LSM12: variants seen among roughly 807,000 people sequenced by gnomAD.
The protein encoded by LSM12 is LSM12 homolog.
For missense variants in LSM12, 108 were observed against 238.9 expected (o/e 0.45, Z 3.61); for synonymous variants, 74 against 87.3 (o/e 0.85, Z 0.85).
chr17:44,047,026 G>C (rs559120242), intron 2 of LSM12, among the ~76,000 whole-genome samples: 1 of 151,682 alleles, frequency 6.6e-6, no homozygotes, highest in East Asian at 2.0e-4. Flanking sequence ...CACAGCGCCC[G>C]GCCCTAATGT....
chr17:44,064,907 G>A (rs1044221414), intron 1 of LSM12, among the ~76,000 whole-genome samples: 1 of 152,066 alleles, frequency 6.6e-6, no homozygotes, highest in Non-Finnish European at 1.5e-5. Flanking sequence ...GCCGAGGCGG[G>A]TGGATCACGA....
chr17:44,040,396 A>G (rs1237487726), intron 2 of LSM12, 140 bp from the exon 3 acceptor site: 2 of 626,756 alleles, frequency 3.2e-6, no homozygotes, highest in Non-Finnish European at 5.6e-6. Flanking sequence ...AAAGTGAAAC[A>G]AATTTTAAAA....
At chr17:44,063,727 A>G (rs1417129690) in intron 2 of LSM12, 74 bp downstream of exon 2, 2 of 1,428,588 alleles carry the variant, frequency 1.4e-6, no homozygotes, top group Admixed American at 2.4e-5. Context: ...ATAGACAACA[A>G]TGTATCACTA....
At chr17:44,047,074 G>A (rs925356558) in intron 2 of LSM12, among the ~76,000 whole-genome samples, 2 of 152,024 alleles carry the variant, frequency 1.3e-5, no homozygotes, top group Non-Finnish European at 2.9e-5. Flanking sequence ...CACCAACACT[G>A]GGTACTGTTA....
chr17:44,048,625 A>C (rs1208830168), intron 2 of LSM12, among the ~76,000 whole-genome samples: 2 of 152,178 alleles, frequency 1.3e-5, no homozygotes, highest in Non-Finnish European at 2.9e-5. Flanking sequence ...AAGAATAAAA[A>C]GCACCAAGTT....
At position 44,044,066 on chromosome 17, in the gene LSM12, G is replaced by A. The variant is rs1227321617; in HGVS notation, c.259-3810C>T. On this transcript the variant is annotated intron_variant, in intron 2 of 4. Transcript: ENST00000293406. ...CTGAACGTTCAAAGAGTAAAATGTC[G>A]TTGTCACCTACATAGCAGCTTAAAA... is the stretch of plus-strand genomic sequence containing the variant. Among the ~76,000 whole-genome samples the A allele has an allele frequency of 4.6e-5, 7 of 152,204 alleles. 1 individual carries two copies. The South Asian group carries it at 8.3e-4, about 18-fold the overall frequency.
At chr17:44,039,424 G>C (rs1182118055) in intron 3 of LSM12, among the ~76,000 whole-genome samples, 4 of 131,402 alleles carry the variant, frequency 3.0e-5, no homozygotes, top group Non-Finnish European at 4.7e-5. Flanking sequence ...GCCCAGGCCG[G>C]ACTGCGGACT....
rs2049396108 is a variant in LSM12 at position 44,034,596 on chromosome 17, C to T, written c.*1612G>A. On this transcript the variant is annotated 3_prime_UTR_variant, in exon 5 of 5. Coordinates refer to ENST00000293406, the MANE Select transcript of LSM12 (RefSeq NM_001371445.1). ...GACAGACATACCTTGGATCCTCTCCCCTGGGGCCTCTGAAGGACGCACAAA... is the reference window on the plus strand; with the variant it reads ...GACAGACATACCTTGGATCCTCTCCTCTGGGGCCTCTGAAGGACGCACAAA... The T allele has an allele frequency of 6.6e-6, 1 of 152,456 alleles. No homozygotes were observed. The highest frequency in any genetic ancestry group is 6.6e-5 in the Admixed American group (1 of 15,262). The allele number at this position is 152,456 out of a possible 1,614,324, so 9.4% of individuals were successfully genotyped here.
intron 2 of LSM12, among the ~76,000 whole-genome samples, chr17:44,050,094 A>G (rs2049622903): frequency 6.6e-6 from 1 of 151,994 alleles, no homozygotes; most frequent in African/African-American, 2.4e-5. Context: ...GAAAGCCTTC[A>G]TTCTTTTTAT....
chr17:44,045,936 CTT>C (rs67446547), intron 2 of LSM12, among the ~76,000 whole-genome samples: 6 of 122,542 alleles, frequency 4.9e-5, no homozygotes, highest in South Asian at 5.0e-4. Flanking sequence ...AAATATTTTA[CTT>C]TTTTTTTTTT....
At chr17:44,039,530 C>T (rs1268461574) in intron 3 of LSM12, among the ~76,000 whole-genome samples, 3 of 150,652 alleles carry the variant, frequency 2.0e-5, no homozygotes, top group African/African-American at 4.9e-5. Flanking sequence ...TACAGGCGCC[C>T]GCCACCGCGC....
chr17:44,043,542 A>T (rs2049522450), intron 2 of LSM12, among the ~76,000 whole-genome samples: 1 of 141,138 alleles, frequency 7.1e-6, no homozygotes, highest in South Asian at 2.2e-4. Context: ...AACAAGGAGG[A>T]GTTTCCTTTT....
chr17:44,064,265 C>G (rs2049839255), intron 1 of LSM12, among the ~76,000 whole-genome samples: 1 of 152,154 alleles, frequency 6.6e-6, no homozygotes, highest in South Asian at 2.1e-4. Context: ...CTCTCTGTGT[C>G]TGCACAGTAT....
At chr17:44,050,955 A>T (rs1328282260) in intron 2 of LSM12, among the ~76,000 whole-genome samples, 2 of 152,178 alleles carry the variant, frequency 1.3e-5, no homozygotes, top group Non-Finnish European at 2.9e-5. Flanking sequence ...CAACATGGCA[A>T]AACCCTACAA....
At position 44,057,391 on chromosome 17, in the gene LSM12, G is replaced by A. The variant is rs1414496573; in HGVS notation, c.258+6410C>T. ...TCTTGATCTCCTGACCTCGTGATCC[G>A]CCCGCCTCGGCCTCTCAAAGTGCTA... is the stretch of plus-strand genomic sequence containing the variant. On this transcript the variant is annotated intron_variant, in intron 2 of 4. Coordinates refer to ENST00000293406, the MANE Select transcript of LSM12 (RefSeq NM_001371445.1). Among the ~76,000 whole-genome samples, 15 of 149,340 alleles carry A rather than the reference G, an allele frequency of 1.0e-4. No individual in the cohort carries two copies. The South Asian group carries it at 1.1e-3, about 11-fold the overall frequency.
At chr17:44,058,451 G>A (rs1051898138) in intron 2 of LSM12, among the ~76,000 whole-genome samples, 5 of 151,788 alleles carry the variant, frequency 3.3e-5, no homozygotes, top group Admixed American at 6.6e-5. Flanking sequence ...CCTGTAATTC[G>A]AATACTTTGG....
At chr17:44,043,517 C>CA (rs905079453) in intron 2 of LSM12, among the ~76,000 whole-genome samples, 5 of 147,824 alleles carry the variant, frequency 3.4e-5, no homozygotes, top group African/African-American at 1.2e-4. Context: ...ACTCAAGCAC[C>CA]AAAAAAACCC....
In LSM12 at chr17:44,034,350, T is replaced by C. The variant is rs2049393950; in HGVS notation, c.*1858A>G. On this transcript the variant is annotated 3_prime_UTR_variant, in exon 5 of 5. Coordinates refer to ENST00000293406, the MANE Select transcript of LSM12 (RefSeq NM_001371445.1). The stretch of plus-strand genomic sequence containing the variant: ...GTGGCAGGTGGATCTGAAAGTTTAC[T>C]TCTCAGCTCGCCGACCATTTGTGCC... Among the ~76,000 whole-genome samples, 1 of 152,180 alleles carries C rather than the reference T, an allele frequency of 6.6e-6. No homozygotes were observed. The highest frequency in any genetic ancestry group is 2.4e-5 in the African/African-American group (1 of 41,412).
intron 2 of LSM12, among the ~76,000 whole-genome samples, chr17:44,041,286 A>ACAAACACACAC (rs1555623711): frequency 9.3e-4 from 106 of 113,540 alleles, no homozygotes; most frequent in Non-Finnish European, 1.5e-3. Flanking sequence ...AAAAAAAAAA[A>ACAAACACACAC]ACAAACACAC....
Sources: allele counts gnomAD v4.1 joint callset (sites outside exome capture counted in the v4.1 genomes callset), GRCh38; gene constraint gnomAD v4.1.1; transcripts MANE v1.5; gene names NCBI Gene and HGNC (gene_info 2026-07-23, HGNC 2026-07-21).